The following ASRGL1 variants were observed in gnomAD, a reference collection of about 807,000 sequenced individuals.
ASRGL1 encodes the protein isoaspartyl peptidase/L-asparaginase.
Under a neutral mutation model 22.4 loss-of-function variants are expected in ASRGL1, and 16 were observed. The observed-to-expected ratio is 0.71, with a 90% CI of 0.48 to 1.08. The LOEUF (loss-of-function observed/expected upper bound fraction) is 1.08. ASRGL1 is among the 50% of genes least tolerant of loss of function. ASRGL1 has a pLI of 0.00. For synonymous variants in ASRGL1, 165 were observed against 159.3 expected (o/e 1.04, Z -0.27); for missense variants, 412 against 410.1 (o/e 1.00, Z -0.04).
chr11:62,389,470 G>C (rs1947290810), intron 5 of ASRGL1: 1 of 616,580 alleles, frequency 1.6e-6, no homozygotes, highest in Non-Finnish European at 3.0e-6. Context: ...TTACTAGATT[G>C]CATGCCTTTT....
intron 3 of ASRGL1, among the ~76,000 whole-genome samples, 168 bp from the exon 4 acceptor site, chr11:62,356,818 CA>C (rs1311923287): frequency 1.3e-5 from 2 of 152,058 alleles, no homozygotes; most frequent in East Asian, 3.8e-4. Flanking sequence ...TTTTTTAATA[CA>C]AAAACTCAGT....
At chr11:62,355,233 CT>C (rs150944924) in intron 2 of ASRGL1, among the ~76,000 whole-genome samples, 11 of 144,602 alleles carry the variant, frequency 7.6e-5, no homozygotes, top group South Asian at 2.2e-4. Flanking sequence ...AGATTTCTCT[CT>C]TTTTTTTTTG....
intron 2 of ASRGL1, among the ~76,000 whole-genome samples, chr11:62,353,948 A>T (rs1456510800): frequency 1.3e-5 from 2 of 152,194 alleles, no homozygotes; most frequent in Non-Finnish European, 2.9e-5. Flanking sequence ...ACACACCTGG[A>T]TTTGATTCCT....
intron 4 of ASRGL1, chr11:62,372,907 G>A: frequency 6.3e-7 from 1 of 1,585,934 alleles, no homozygotes; most frequent in Non-Finnish European, 8.6e-7. Context: ...AGAATCTGGA[G>A]CCTGGCTTGT....
chr11:62,367,713 G>T (rs561735411), intron 4 of ASRGL1, among the ~76,000 whole-genome samples: 1 of 152,094 alleles, frequency 6.6e-6, no homozygotes. Flanking sequence ...GGAGGCCGAG[G>T]TGGGTGGATC....
chr11:62,340,458 A>C (rs1945836355), intron 2 of ASRGL1, among the ~76,000 whole-genome samples: 1 of 152,078 alleles, frequency 6.6e-6, no homozygotes, highest in African/African-American at 2.4e-5. Flanking sequence ...GGGCTGTCAA[A>C]CCCTCACTTA....
At chr11:62,375,482 T>TATATATATATATATATA (rs1565169632) in intron 4 of ASRGL1, among the ~76,000 whole-genome samples, 1 of 70,914 alleles carries the variant, frequency 1.4e-5, no homozygotes. Flanking sequence ...ATATATATAT[T>TATATATATATATATATA]TCTTGGAGTA....
intron 4 of ASRGL1, among the ~76,000 whole-genome samples, chr11:62,368,343 T>C (rs1946671767): frequency 6.6e-6 from 1 of 152,180 alleles, no homozygotes; most frequent in African/African-American, 2.4e-5. Flanking sequence ...GGGGGACTAC[T>C]GTTTTACACC....
At chr11:62,363,090 C>T (rs998989231) in intron 4 of ASRGL1, among the ~76,000 whole-genome samples, 2 of 149,812 alleles carry the variant, frequency 1.3e-5, no homozygotes, top group African/African-American at 2.5e-5. Context: ...CCCGCCACCA[C>T]GCCCGGCTAA....
intron 4 of ASRGL1, among the ~76,000 whole-genome samples, chr11:62,365,080 A>G (rs1393205065): frequency 2.0e-5 from 3 of 149,152 alleles, no homozygotes; most frequent in East Asian, 3.9e-4. Flanking sequence ...AAAAAAAAAA[A>G]AAGAAAGAAA....
chr11:62,384,000 CTGTGTGTGTGCATG>C (rs922777964), intron 4 of ASRGL1, among the ~76,000 whole-genome samples: 11 of 143,568 alleles, frequency 7.7e-5, no homozygotes, highest in Middle Eastern at 3.5e-3. Context: ...TTAAATGCAT[CTGTGTGTGTGCATG>C]TGTGTGTGTG....
At position 62,351,629 on chromosome 11, in the gene ASRGL1, G is replaced by A. The variant is rs181348275; in HGVS notation, c.191-4696G>A. Among the ~76,000 whole-genome samples, 11 of 148,338 alleles carry A rather than the reference G, an allele frequency of 7.4e-5. No individual in the cohort carries two copies. The East Asian group carries it at 2.2e-3, about 29-fold the overall frequency. On this transcript the variant is annotated intron_variant, in intron 2 of 6. Transcript: ENST00000415229. Reference sequence around the variant, plus strand: ...CGTGTCACTGCACTCCAGCCTAGGCGACAAGGGTGAAACTCATCTCCAAAA... The same window carrying A: ...CGTGTCACTGCACTCCAGCCTAGGCAACAAGGGTGAAACTCATCTCCAAAA...
Position 62,346,977 on chromosome 11 carries a change from A to T in ASRGL1, c.190+8810A>T, listed in dbSNP as rs1946041177. 2.0e-5 allele frequency among the ~76,000 whole-genome samples: 3 copies of T among 151,844 alleles called. No homozygotes were observed. In the South Asian group the frequency reaches 6.2e-4, roughly 32 times the overall value. ...CAGTGAGACTCCGTCTCAAAAAAAA[A>T]AAAAAAGAAAAATAACGTCTGACAA... On this transcript the variant is annotated intron_variant, in intron 2 of 6. Transcript: ENST00000415229.
At chr11:62,397,106 T>C (rs2134715084), downstream of ASRGL1, among the ~76,000 whole-genome samples, 1 of 152,294 alleles carries the variant, frequency 6.6e-6, no homozygotes, top group East Asian at 1.9e-4. Context: ...CTTGGCTCAC[T>C]GCAACCTCCG....
intron 4 of ASRGL1, among the ~76,000 whole-genome samples, chr11:62,367,696 C>T (rs954863553): frequency 1.3e-5 from 2 of 151,846 alleles, no homozygotes; most frequent in African/African-American, 4.8e-5. Flanking sequence ...GTAATTCCAG[C>T]ACTTTGGGAG....
rs1174274224 is a variant in ASRGL1, at chr11:62,376,418, T to C, written c.492-12715T>C. On this transcript the variant is annotated intron_variant, in intron 4 of 6. Transcript: ENST00000415229. ...TGGGTATCCAAACAGGAAGCTGATT[T>C]TCTCCTAGTGAAACAAGCAAAACCT... Among the ~76,000 whole-genome samples, 3 of 152,178 alleles carry C rather than the reference T, an allele frequency of 2.0e-5. No individual in the cohort carries two copies. The South Asian group carries it at 6.2e-4, about 32-fold the overall frequency.
At chr11:62,394,140 A>G (rs950971598), downstream of ASRGL1, among the ~76,000 whole-genome samples, 2 of 128,144 alleles carry the variant, frequency 1.6e-5, no homozygotes, top group Admixed American at 9.1e-5. Context: ...ATAATAAAAT[A>G]TATAACATTT....
the ASRGL1 span, among the ~76,000 whole-genome samples, chr11:62,400,562 T>A: frequency 6.6e-6 from 1 of 152,112 alleles, no homozygotes. Context: ...ACCCCAACCC[T>A]CCATGCTATT....
intron 4 of ASRGL1, chr11:62,371,743 G>A (rs951242649): frequency 1.8e-6 from 1 of 547,036 alleles, no homozygotes; most frequent in Non-Finnish European, 3.5e-6. Flanking sequence ...ACAAGGTCAG[G>A]AGATCCAGAC....
Sources: gnomAD v4.1 joint callset for allele counts (sites outside exome capture counted in the v4.1 genomes callset) on GRCh38, gnomAD v4.1.1 for gene constraint, MANE v1.5 for transcripts, NCBI Gene and HGNC (gene_info 2026-07-23, HGNC 2026-07-21) for gene names.